The following RPS6KC1 variants were observed in gnomAD, a reference collection of about 807,000 sequenced individuals.
The protein encoded by RPS6KC1 is ribosomal protein S6 kinase C1.
Under a neutral mutation model 103.8 loss-of-function variants are expected in RPS6KC1, and 54 were observed. The ratio of observed to expected loss-of-function variants is 0.52; its 90% CI spans 0.42 to 0.65. The LOEUF is 0.65. Ranked by LOEUF, RPS6KC1 falls within the 30% of genes least tolerant of loss-of-function variation. The pLI, the probability that RPS6KC1 is intolerant of heterozygous loss-of-function variation, is 0.00. For missense variants in RPS6KC1, 1,151 were observed against 1,253.8 expected, an observed-to-expected ratio of 0.92 and a Z score of 1.24; for synonymous variants, 439 against 438.7, an observed-to-expected ratio of 1.00 and a Z score of -0.01.
chr1:213,700,746 A>G, the RPS6KC1 span, among the ~76,000 whole-genome samples: 1 of 151,932 alleles, frequency 6.6e-6, no homozygotes, highest in Non-Finnish European at 1.5e-5. Context: ...AGTGTTTTAT[A>G]GTTTTCATTA....
the RPS6KC1 span, among the ~76,000 whole-genome samples, chr1:213,631,330 T>C: frequency 1.3e-5 from 2 of 150,966 alleles, no homozygotes; most frequent in Non-Finnish European, 2.9e-5. Flanking sequence ...ACTGGAGCTG[T>C]TCCTATTCGG....
chr1:213,374,126 A>G, the RPS6KC1 span, among the ~76,000 whole-genome samples: 1 of 152,214 alleles, frequency 6.6e-6, no homozygotes, highest in African/African-American at 2.4e-5. Flanking sequence ...AACCTAACTG[A>G]AGCAAGTTAT....
chr1:213,295,024 G>A, the RPS6KC1 span, among the ~76,000 whole-genome samples: 2 of 152,060 alleles, frequency 1.3e-5, no homozygotes, highest in African/African-American at 4.8e-5. Flanking sequence ...TTGAACTGGA[G>A]GTCATGAGCA....
the RPS6KC1 span, among the ~76,000 whole-genome samples, chr1:213,357,487 T>A: frequency 6.6e-6 from 1 of 152,208 alleles, no homozygotes; most frequent in African/African-American, 2.4e-5. Context: ...TCGGAAAGCA[T>A]CTTAGCGATG....
chr1:213,359,905 AGAGTT>A, the RPS6KC1 span, among the ~76,000 whole-genome samples: 1 of 152,064 alleles, frequency 6.6e-6, no homozygotes, highest in Non-Finnish European at 1.5e-5. Flanking sequence ...TGTGGCTTGT[AGAGTT>A]TCTGCTGAGA....
At position 213,241,708 on chromosome 1, in the gene RPS6KC1, TGAG is replaced by T. The variant is rs2094357404; in HGVS notation, c.2236_2238del (p.Glu746del). 9 of 1,613,890 alleles carry T rather than the reference TGAG, an allele frequency of 5.6e-6. No homozygotes were observed. Among genetic ancestry groups the T allele is most frequent in the South Asian group, 1.1e-5 (1 of 91,078 alleles). Reference sequence around the variant, plus strand: ...TTAGTACTGAACAATGCCAAGCACATGAGGAGAAAGGCATAGAGGAACTGAGTG... The same window carrying T: ...TTAGTACTGAACAATGCCAAGCACATGAGAAAGGCATAGAGGAACTGAGTG... On this transcript the variant is annotated inframe_deletion, in exon 11 of 15. Transcript: ENST00000366960.
the RPS6KC1 span, among the ~76,000 whole-genome samples, chr1:213,671,362 G>T: frequency 6.6e-6 from 1 of 152,166 alleles, no homozygotes; most frequent in Non-Finnish European, 1.5e-5. Context: ...TGTTTACCAG[G>T]GGCTGGGGTG....
the RPS6KC1 span, among the ~76,000 whole-genome samples, chr1:213,334,197 A>G: frequency 6.6e-6 from 1 of 152,192 alleles, no homozygotes; most frequent in Non-Finnish European, 1.5e-5. Context: ...ACAGTGTCAT[A>G]AAGTACAGTC....
At chr1:213,169,668 A>G (rs2091303186) in intron 7 of RPS6KC1, among the ~76,000 whole-genome samples, 1 of 151,802 alleles carries the variant, frequency 6.6e-6, no homozygotes, top group South Asian at 2.1e-4. Flanking sequence ...ACTCAATTTC[A>G]TTTTGGGGGG....
chr1:213,621,394 G>A, the RPS6KC1 span, among the ~76,000 whole-genome samples: 1 of 135,560 alleles, frequency 7.4e-6, no homozygotes, highest in African/African-American at 2.7e-5. Flanking sequence ...TATATATAAG[G>A]GCAGGGAAAG....
rs138630226 is a variant in RPS6KC1 at position 213,232,155 on chromosome 1, C to T, written c.1125C>T (p.Asn375=). 14 of 1,613,842 alleles carry T rather than the reference C, an allele frequency of 8.7e-6. No individual in the cohort carries two copies. In the African/African-American group the frequency reaches 1.7e-4, roughly 20 times the overall value. Residue 375 remains asparagine, a synonymous_variant, in exon 10 of 15, where the codon AAC becomes AAT. Transcript: ENST00000366960. ...GGAAAAGCAGTGAATACAGCAGGAACAGAAAGACCATCATCCCCCGCTGTG... is the reference window on the plus strand; with the variant it reads ...GGAAAAGCAGTGAATACAGCAGGAATAGAAAGACCATCATCCCCCGCTGTG... ...GLRKSSEYSR[N]RKTIIPRCVP... is the part of the protein sequence containing the mutation.
the RPS6KC1 span, among the ~76,000 whole-genome samples, chr1:213,533,421 ATTATT>A: frequency 6.6e-6 from 1 of 152,144 alleles, no homozygotes; most frequent in Non-Finnish European, 1.5e-5. Flanking sequence ...TATGGTACAT[ATTATT>A]TTGTGCTATT....
At chr1:213,338,295 C>T in the RPS6KC1 span, among the ~76,000 whole-genome samples, 1 of 152,328 alleles carries the variant, frequency 6.6e-6, no homozygotes, top group African/African-American at 2.4e-5. Flanking sequence ...GATTCTGATT[C>T]CCTCCTGCTC....
the RPS6KC1 span, among the ~76,000 whole-genome samples, chr1:213,662,499 A>G: frequency 7.0e-6 from 1 of 142,346 alleles, no homozygotes; most frequent in Non-Finnish European, 1.5e-5. Flanking sequence ...CTGGGTCTTG[A>G]ACTCCTGGCC....
the RPS6KC1 span, chr1:213,820,349 A>G: frequency 1.3e-5 from 2 of 152,396 alleles, no homozygotes; most frequent in East Asian, 1.9e-4. Flanking sequence ...GGGAAAAAGA[A>G]CAAGAAGGAA....
At chr1:213,650,138 G>T in the RPS6KC1 span, among the ~76,000 whole-genome samples, 1 of 152,282 alleles carries the variant, frequency 6.6e-6, no homozygotes, top group East Asian at 1.9e-4. Context: ...CGCTCCCTAT[G>T]TTGCCCAACC....
At chr1:213,178,352 C>T (rs909502045) in intron 8 of RPS6KC1, among the ~76,000 whole-genome samples, 1 of 151,924 alleles carries the variant, frequency 6.6e-6, no homozygotes, top group East Asian at 1.9e-4. Flanking sequence ...CCAGCCTGGG[C>T]AACATGGTGA....
At chr1:213,353,456 C>A in the RPS6KC1 span, among the ~76,000 whole-genome samples, 1 of 152,204 alleles carries the variant, frequency 6.6e-6, no homozygotes, top group Admixed American at 6.5e-5. Flanking sequence ...CTGGGGTAAC[C>A]CAGCCAGTAG....
intron 2 of RPS6KC1, chr1:213,072,838 G>A (rs1009554387): frequency 7.1e-6 from 3 of 423,854 alleles, no homozygotes; most frequent in African/African-American, 2.2e-5. Context: ...TTGCTGTGCT[G>A]TAGTTTGTAG....
Sources: allele counts gnomAD v4.1 joint callset (sites outside exome capture counted in the v4.1 genomes callset), GRCh38; gene constraint gnomAD v4.1.1; transcripts MANE v1.5; gene names NCBI Gene and HGNC (gene_info 2026-07-23, HGNC 2026-07-21).